The following EXTL2 variants were observed in gnomAD, a reference collection of about 807,000 sequenced individuals.
EXTL2 encodes exostosin like glycosyltransferase 2.
EXTL2 carries 23 observed loss-of-function variants against 30.7 expected under a neutral mutation model. That is an observed-to-expected ratio of 0.75 (90% CI 0.54 to 1.06). The LOEUF (loss-of-function observed/expected upper bound fraction) is 1.06, where lower values mean the gene tolerates loss of function less well. Ranked by LOEUF, EXTL2 falls within the 50% of genes least tolerant of loss-of-function variation. The pLI, the probability that EXTL2 is intolerant of heterozygous loss-of-function variation, is 0.00. For missense variants in EXTL2, 352 were observed against 396.3 expected, an observed-to-expected ratio of 0.89 and a Z score of 0.95; for synonymous variants, 123 against 133.8, an observed-to-expected ratio of 0.92 and a Z score of 0.56.
intron 2 of EXTL2, among the ~76,000 whole-genome samples, chr1:100,881,623 C>T (rs912284420): frequency 2.0e-5 from 3 of 152,132 alleles, no homozygotes; most frequent in Admixed American, 2.0e-4. Flanking sequence ...CCCTTCTGTC[C>T]TTCACCCATC....
At chr1:100,889,660 A>G (rs1650262433) in intron 1 of EXTL2, among the ~76,000 whole-genome samples, 1 of 152,216 alleles carries the variant, frequency 6.6e-6, no homozygotes, top group Non-Finnish European at 1.5e-5. Context: ...AATGGGAGAA[A>G]TAGGCCAAAA....
At chr1:100,875,460 A>G (rs1026916297) in intron 4 of EXTL2, among the ~76,000 whole-genome samples, 2 of 151,992 alleles carry the variant, frequency 1.3e-5, no homozygotes, top group African/African-American at 2.4e-5. Context: ...GATGGGGGAT[A>G]AAGGCTGGGA....
intron 2 of EXTL2, chr1:100,881,042 C>T: frequency 2.0e-6 from 2 of 984,222 alleles, no homozygotes; most frequent in Non-Finnish European, 2.4e-6. Context: ...TCCTAATCCC[C>T]CAATTTTACC....
intron 2 of EXTL2, among the ~76,000 whole-genome samples, chr1:100,880,315 G>A (rs1054538764): frequency 2.0e-5 from 3 of 152,154 alleles, no homozygotes; most frequent in African/African-American, 7.2e-5. Flanking sequence ...CTTTTCAACA[G>A]TCCAGATTTG....
chr1:100,893,360 C>T (rs1650579466), intron 1 of EXTL2, among the ~76,000 whole-genome samples: 1 of 152,192 alleles, frequency 6.6e-6, no homozygotes, highest in Non-Finnish European at 1.5e-5. Context: ...GAAAGACTTA[C>T]TGAGTGACAG....
chr1:100,880,970 T>C, intron 2 of EXTL2: 1 of 974,566 alleles, frequency 1.0e-6, no homozygotes, highest in Non-Finnish European at 1.2e-6. Context: ...TTCCTTCTCA[T>C]GTATTCTTTT....
chr1:100,879,440 C>A (rs1649392830), intron 2 of EXTL2, among the ~76,000 whole-genome samples: 1 of 152,032 alleles, frequency 6.6e-6, no homozygotes, highest in Non-Finnish European at 1.5e-5. Context: ...AAAAGAAAGA[C>A]TGGAAACAAA....
In EXTL2 at chr1:100,873,976, C is replaced by A; in HGVS notation, c.959G>T (p.Gly320Val). 6.3e-7 allele frequency: 1 copy of A among 1,581,932 alleles called. No homozygotes were observed. Among genetic ancestry groups the A allele is most frequent in the Non-Finnish European group, 8.6e-7 (1 of 1,168,432 alleles). The change falls in exon 5 of 5, where the codon GGT becomes GTT. Residue 320 changes from glycine (G) to valine (V), a missense_variant. Transcript: ENST00000370114. ...RYSNIMISQF[G>V]FPYANYKRKI ...TCTTTTGTAGTTGGCATATGGAAAACCAAACTGGGAAATCATAATGTTGGA... is the reference window on the plus strand; with the variant it reads ...TCTTTTGTAGTTGGCATATGGAAAAACAAACTGGGAAATCATAATGTTGGA...
intron 4 of EXTL2, among the ~76,000 whole-genome samples, chr1:100,875,217 A>T (rs912363951): frequency 5.3e-5 from 7 of 131,416 alleles, no homozygotes; most frequent in African/African-American, 1.8e-4. Flanking sequence ...TATTGAACAG[A>T]TGCAGAACTA....
In EXTL2 at chr1:100,873,385, AAAACCATGCTGGAC is replaced by A. The variant is rs1248949994; in HGVS notation, c.*543_*556del. 3 of 152,396 alleles carry A rather than the reference AAAACCATGCTGGAC, an allele frequency of 2.0e-5. No homozygotes were observed. The highest frequency in any genetic ancestry group is 7.2e-5 in the African/African-American group (3 of 41,452). The allele number at this position is 152,396 out of a possible 1,614,324, so 9.4% of individuals were successfully genotyped here. On this transcript the variant is annotated 3_prime_UTR_variant, in exon 5 of 5. Coordinates refer to ENST00000370114, the MANE Select transcript of EXTL2 (RefSeq NM_001033025.3). ...AAATAAAAGCATGGATGGTTACATC[AAAACCATGCTGGAC>A]TGAGTTCGTCCTGGAAGAGCTGGTT...
intron 4 of EXTL2, among the ~76,000 whole-genome samples, chr1:100,874,806 C>T (rs555976830): frequency 5.3e-4 from 80 of 152,034 alleles, no homozygotes; most frequent in Non-Finnish European, 9.4e-4. Flanking sequence ...ATAATGGGAT[C>T]GTTTTGAAAA....
chr1:100,885,508 C>G (rs151100270), intron 2 of EXTL2: 1 of 152,206 alleles, frequency 6.6e-6, no homozygotes, highest in African/African-American at 2.4e-5. Context: ...AAACTACAGA[C>G]TTCATGACAA....
chr1:100,878,559 A>T, intron 2 of EXTL2: 5 of 447,586 alleles, frequency 1.1e-5, no homozygotes, highest in South Asian at 8.1e-5. Context: ...AATCTGGGGT[A>T]GCGGGTATGA....
At chr1:100,875,706 A>G (rs896725802) in intron 4 of EXTL2, among the ~76,000 whole-genome samples, 1 of 152,054 alleles carries the variant, frequency 6.6e-6, no homozygotes, top group Non-Finnish European at 1.5e-5. Context: ...TGTTTTTGAT[A>G]TTTTTAAAAA....
Position 100,874,357 on chromosome 1 carries a change from C to T in EXTL2, c.578G>A (p.Gly193Glu), listed in dbSNP as rs1177115470. 14 of 1,612,684 alleles carry T rather than the reference C, an allele frequency of 8.7e-6. No homozygotes were observed. Among genetic ancestry groups the T allele is most frequent in the South Asian group, 3.3e-5 (3 of 91,004 alleles). The change falls in exon 5 of 5, where the codon GGA becomes GAA. Residue 193 changes from glycine to glutamate, a missense_variant. Gly to Glu is a moderately conservative substitution (Grantham distance 98). Coordinates refer to ENST00000370114, the MANE Select transcript of EXTL2 (RefSeq NM_001033025.3). ...CCCTGGTGCTTGCATTTCAAAACTT[C>T]CATAACTGTAGATACCTGATGAAGT... The part of the protein sequence containing the change: ...VSTSSGIYSY[G>E]SFEMQAPGSG...
At chr1:100,882,546 G>C (rs1330877819) in intron 2 of EXTL2, among the ~76,000 whole-genome samples, 1 of 152,360 alleles carries the variant, frequency 6.6e-6, no homozygotes, top group East Asian at 1.9e-4. Flanking sequence ...GGGAGGCCCA[G>C]CATGATGGCT....
intron 4 of EXTL2, 34 bp from the exon 5 acceptor site, chr1:100,874,464 C>G: frequency 6.6e-7 from 1 of 1,508,418 alleles, no homozygotes; most frequent in Non-Finnish European, 8.9e-7. Flanking sequence ...TAAAATGTCA[C>G]ATATTTTTAG....
chr1:100,894,420 C>T (rs1650700233), intron 1 of EXTL2, among the ~76,000 whole-genome samples: 1 of 152,182 alleles, frequency 6.6e-6, no homozygotes, highest in Non-Finnish European at 1.5e-5. Context: ...AAATACTCTT[C>T]CCAGAACTTA....
chr1:100,883,282 T>C (rs143083708), intron 2 of EXTL2, among the ~76,000 whole-genome samples: 1 of 152,318 alleles, frequency 6.6e-6, no homozygotes, highest in East Asian at 1.9e-4. Flanking sequence ...GCTTTTAATA[T>C]AATCACAGAG....
Sources: gnomAD v4.1 joint callset for allele counts (sites outside exome capture counted in the v4.1 genomes callset) on GRCh38, gnomAD v4.1.1 for gene constraint, MANE v1.5 for transcripts, NCBI Gene and HGNC (gene_info 2026-07-23, HGNC 2026-07-21) for gene names.